The following COPZ2 variants were observed in gnomAD, a reference collection of about 807,000 sequenced individuals.
COPZ2 encodes the protein coatomer subunit zeta-2.
In COPZ2, 30 loss-of-function variants were observed where a neutral mutation model predicts 33.2. That is an observed-to-expected ratio of 0.90 (90% CI 0.68 to 1.23). COPZ2 has a LOEUF of 1.23. COPZ2 is among the 50% of genes most tolerant of loss of function. The pLI, the probability that COPZ2 is intolerant of heterozygous loss-of-function variation, is 0.00. For synonymous variants in COPZ2, 89 were observed against 102.6 expected (o/e 0.87, Z 0.80); for missense variants, 263 against 262.4 (o/e 1.00, Z -0.02).
At chr17:48,039,408 G>C (rs2037038570), upstream of COPZ2, among the ~76,000 whole-genome samples, 2 of 151,522 alleles carry the variant, frequency 1.3e-5, no homozygotes, top group South Asian at 2.1e-4. Flanking sequence ...GGGGTTCAAG[G>C]CTGCAGAGCC....
At chr17:48,031,340 T>C (rs1412718516) in intron 6 of COPZ2, among the ~76,000 whole-genome samples, 1 of 151,318 alleles carries the variant, frequency 6.6e-6, no homozygotes, top group Non-Finnish European at 1.5e-5. Context: ...TAGTCCCAGC[T>C]ACTCAGGAGG....
Position 48,032,856 on chromosome 17 carries a change from T to C in COPZ2, c.361-115A>G, listed in dbSNP as rs1048987838. ...AATGGAGAGTTTCAGAGGCCTGGGC[T>C]GGAGACTGACTGCGGTGTGACATTA... is the stretch of plus-strand genomic sequence containing the variant. On this transcript the variant is annotated intron_variant, in intron 4 of 8. Transcript: ENST00000621465. 2.2e-5 allele frequency: 18 copies of C among 811,122 alleles called. No homozygotes were observed. The Admixed American group carries it at 4.1e-4, about 18-fold the overall frequency. The allele number at this position is 811,122 out of a possible 1,614,324, so 50.2% of individuals were successfully genotyped here. A position where few individuals can be genotyped will look rare whatever the true frequency, so the allele number is the denominator to read the frequency against.
In COPZ2 at chr17:48,037,244, G is replaced by T. The variant is rs556478061; in HGVS notation, c.112-319C>A. On this transcript the variant is annotated intron_variant, in intron 1 of 8. Coordinates refer to ENST00000621465, the MANE Select transcript of COPZ2 (RefSeq NM_016429.4). The surrounding 1 kb of genome is among the most constrained non-coding windows in gnomAD (Gnocchi z 5.6). ...GTATCACAGAACCTGGGCCGGGGGG[G>T]ACAGCGGGCCGAGCCTCCTTCTTCC... The T allele has an allele frequency of 6.7e-6, 4 of 597,182 alleles. No homozygotes were observed. Among genetic ancestry groups the T allele is most frequent in the East Asian group, 3.7e-5 (1 of 26,890 alleles). 37.0% of individuals were successfully genotyped at this position (597,182 alleles called of 1,614,324 possible).
At chr17:48,029,958 ACT>A (rs1207397780) in intron 6 of COPZ2, among the ~76,000 whole-genome samples, 1 of 146,042 alleles carries the variant, frequency 6.8e-6, no homozygotes, top group Admixed American at 6.9e-5. Context: ...TCACAGTGAG[ACT>A]CTGTCTAAAA....
At position 48,036,927 on chromosome 17, in the gene COPZ2, T is replaced by C; in HGVS notation, c.112-2A>G. The C allele has an allele frequency of 1.2e-6, 2 of 1,613,678 alleles. No individual in the cohort carries two copies. The highest frequency in any genetic ancestry group is 1.7e-6 in the Non-Finnish European group (2 of 1,179,640). On this transcript the variant is annotated splice_acceptor_variant, in intron 1 of 8. Transcript: ENST00000621465. LOFTEE classifies it high-confidence loss of function. ...GGTGTAGAGGGAAGGTTCCTGCAAC[T>C]GACACCGGAGAGGAGAGTTCCGTTT...
chr17:48,041,792 TTC>T (rs2144324270), upstream of COPZ2, among the ~76,000 whole-genome samples: 1 of 148,630 alleles, frequency 6.7e-6, no homozygotes, highest in East Asian at 2.0e-4. Flanking sequence ...GTCTTAATAT[TTC>T]TGTGAGCTAG....
At chr17:48,038,866 G>A (rs2037032143), upstream of COPZ2, among the ~76,000 whole-genome samples, 1 of 152,108 alleles carries the variant, frequency 6.6e-6, no homozygotes, top group Non-Finnish European at 1.5e-5. Flanking sequence ...TTACCAAAAG[G>A]TCCTCCTGAC....
chr17:48,033,341 C>A, intron 3 of COPZ2, 39 bp from the exon 4 acceptor site: 1 of 1,236,134 alleles, frequency 8.1e-7, no homozygotes, highest in South Asian at 1.2e-5. Flanking sequence ...GCCACCTTGC[C>A]TGGTCCTAGC....
chr17:48,046,813 T>A, the COPZ2 span: 1 of 152,216 alleles, frequency 6.6e-6, no homozygotes, highest in African/African-American at 2.4e-5. Context: ...TGAGTCCCCC[T>A]TCAAGTACTC....
the COPZ2 span, chr17:48,046,021 G>A: frequency 6.6e-6 from 1 of 152,190 alleles, no homozygotes; most frequent in Admixed American, 6.5e-5. Context: ...CAAATATCCT[G>A]GGCGCCCACA....
At chr17:48,031,792 T>G in intron 6 of COPZ2, 1 of 293,372 alleles carries the variant, frequency 3.4e-6, no homozygotes, top group Non-Finnish European at 6.5e-6. Flanking sequence ...GAGCAGGACA[T>G]GTGGGGCTGG....
At chr17:48,041,446 C>A (rs1033265343), upstream of COPZ2, among the ~76,000 whole-genome samples, 1 of 152,102 alleles carries the variant, frequency 6.6e-6, no homozygotes, top group Non-Finnish European at 1.5e-5. Context: ...GACAGGCAAG[C>A]CAGAAAGCCA....
upstream of COPZ2, among the ~76,000 whole-genome samples, chr17:48,039,037 C>T (rs767300750): frequency 2.0e-5 from 3 of 151,972 alleles, no homozygotes; most frequent in African/African-American, 4.8e-5. Flanking sequence ...TGCAGTGACT[C>T]GATCTGGGCT....
rs1367802069 is a variant in COPZ2, at chr17:48,031,960, A to G, written c.494+196T>C. 3 of 606,716 alleles carry G rather than the reference A, an allele frequency of 4.9e-6. No homozygotes were observed. In the African/African-American group the frequency reaches 5.5e-5, roughly 11 times the overall value. The allele number at this position is 606,716 out of a possible 1,614,324, so 37.6% of individuals were successfully genotyped here. On this transcript the variant is annotated intron_variant, in intron 6 of 8. Coordinates refer to ENST00000621465, the MANE Select transcript of COPZ2 (RefSeq NM_016429.4). ...TCTCTTGTTTGGCTTGACTTTGGCT[A>G]ACATTGAAATCAACTTCTATCTTCA...
chr17:48,043,202 T>C, the COPZ2 span, among the ~76,000 whole-genome samples: 1 of 152,166 alleles, frequency 6.6e-6, no homozygotes, highest in African/African-American at 2.4e-5. Context: ...GCTGTGCACA[T>C]CCCTACCCAG....
chr17:48,039,045 G>A (rs984707849), upstream of COPZ2, among the ~76,000 whole-genome samples: 1 of 152,142 alleles, frequency 6.6e-6, no homozygotes, highest in Non-Finnish European at 1.5e-5. Context: ...CTCGATCTGG[G>A]CTCACTGCAG....
chr17:48,036,705 T>C, intron 2 of COPZ2, 146 bp downstream of exon 2: 3 of 675,206 alleles, frequency 4.4e-6, no homozygotes, highest in South Asian at 1.8e-5. Context: ...GAGCAGCACC[T>C]TGACAAGGCA....
At position 48,033,871 on chromosome 17, in the gene COPZ2, C is replaced by T. The variant is rs767264157; in HGVS notation, c.260G>A (p.Arg87Gln). The T allele has an allele frequency of 1.1e-5, 18 of 1,607,410 alleles. No individual in the cohort carries two copies. Among genetic ancestry groups the T allele is most frequent in the African/African-American group, 5.3e-5 (4 of 74,790 alleles). The change falls in exon 3 of 9, where the codon CGG (arginine) becomes CAG (glutamine). Residue 87 changes from arginine (R) to glutamine (Q), a missense_variant. By Grantham distance (43) the Arg-to-Gln change is conservative (BLOSUM62 1). Transcript: ENST00000621465. ...AAGAGGGGGACACTTACTCTCAGTC[C>T]GGCTGGTCTTGTTGAAGACATTTTT... ...FEKNVFNKTSRTESEIAFFGG... is the reference protein window; with the variant it reads ...FEKNVFNKTSQTESEIAFFGG...
chr17:48,039,272 A>G (rs116660105), upstream of COPZ2, among the ~76,000 whole-genome samples: 1,982 of 152,046 alleles, frequency 0.013, 45 homozygotes, highest in African/African-American at 0.045. Context: ...GGAGTTCCAG[A>G]CCAGCCTGGG....
Sources: gnomAD v4.1 joint callset for allele counts (sites outside exome capture counted in the v4.1 genomes callset) on GRCh38, gnomAD v4.1.1 for gene constraint, Gnocchi (gnomAD v3.1) non-coding constraint, MANE v1.5 for transcripts, NCBI Gene and HGNC (gene_info 2026-07-23, HGNC 2026-07-21) for gene names.